KCTD1: variants seen among roughly 807,000 people sequenced by gnomAD.
The protein encoded by KCTD1 is BTB/POZ domain-containing protein KCTD1.
In KCTD1, 24 loss-of-function variants were observed where a neutral mutation model predicts 66.0. That is an observed-to-expected ratio of 0.36 (90% CI 0.26 to 0.51). The LOEUF is 0.51. Ranked by LOEUF, KCTD1 falls within the 20% of genes least tolerant of loss-of-function variation. KCTD1 has a pLI of 0.95. For synonymous variants in KCTD1, 511 were observed against 517.2 expected, an observed-to-expected ratio of 0.99 and a Z score of 0.16; for missense variants, 943 against 1,205.2, an observed-to-expected ratio of 0.78 and a Z score of 3.22.
intron 1 of KCTD1, among the ~76,000 whole-genome samples, chr18:26,527,871 T>C (rs1177394086): frequency 2.4e-5 from 2 of 85,090 alleles, no homozygotes; most frequent in Non-Finnish European, 5.2e-5. Context: ...TTGTTTCAAA[T>C]CCAGTAATTT....
At chr18:26,593,336 A>AGGAGGAAGAGGAG (rs1986657251) in intron 1 of KCTD1, among the ~76,000 whole-genome samples, 1 of 115,406 alleles carries the variant, frequency 8.7e-6, no homozygotes, top group Non-Finnish European at 1.8e-5. Flanking sequence ...AGGAGGAGGA[A>AGGAGGAAGAGGAG]GAGGAGGAAG....
intron 1 of KCTD1, among the ~76,000 whole-genome samples, chr18:26,615,797 G>T (rs959461183): frequency 6.6e-6 from 1 of 152,142 alleles, no homozygotes; most frequent in Admixed American, 6.6e-5. Flanking sequence ...GATCACTAGT[G>T]CTTTTTTTTT....
At chr18:26,565,436 T>C (rs1332301958) in intron 1 of KCTD1, among the ~76,000 whole-genome samples, 1 of 152,208 alleles carries the variant, frequency 6.6e-6, no homozygotes, top group Non-Finnish European at 1.5e-5. Flanking sequence ...AATGAAAGCC[T>C]TCCCAGAGTA....
intron 1 of KCTD1, chr18:26,600,354 C>T (rs1389524434): frequency 1.5e-6 from 2 of 1,343,284 alleles, no homozygotes; most frequent in African/African-American, 2.9e-5. Flanking sequence ...AAGGGCCTGA[C>T]ATGGGACCCA....
chr18:26,610,341 G>A (rs113560018), intron 1 of KCTD1, among the ~76,000 whole-genome samples: 2,319 of 152,270 alleles, frequency 0.015, 60 homozygotes, highest in African/African-American at 0.053. Context: ...GGGAGGCCAA[G>A]GCAGGTAGAT....
intron 1 of KCTD1, among the ~76,000 whole-genome samples, chr18:26,606,213 G>A (rs748175773): frequency 5.3e-5 from 8 of 152,198 alleles, no homozygotes; most frequent in Non-Finnish European, 1.2e-4. Flanking sequence ...AGAGAGATTA[G>A]TTTGTAAATG....
At chr18:26,650,384 G>A (rs1375341810) in intron 1 of KCTD1, among the ~76,000 whole-genome samples, 1 of 152,236 alleles carries the variant, frequency 6.6e-6, no homozygotes, top group African/African-American at 2.4e-5. Context: ...TTAAGGAACT[G>A]AGAAAGCAAA....
At chr18:26,520,757 C>T (rs1489892881) in intron 1 of KCTD1, among the ~76,000 whole-genome samples, 5 of 152,236 alleles carry the variant, frequency 3.3e-5, no homozygotes, top group African/African-American at 1.2e-4. Context: ...TTTATGCCTC[C>T]AAACTCCTCC....
At position 26,593,307 on chromosome 18, in the gene KCTD1, AAGGAAGAGGAGG is replaced by A. The variant is rs1568003445; in HGVS notation, c.-16+35828_-16+35839del. ...GGAGGAGGAGGAGCAATATGAGGAG[AAGGAAGAGGAGG>A]AGGAAGAGGAGGAGGAAGAGGAGGA... On this transcript the variant is annotated intron_variant, in intron 1 of 4. Coordinates refer to the KCTD1 transcript ENST00000317932. Among the ~76,000 whole-genome samples the A allele has an allele frequency of 2.3e-4, 21 of 90,164 alleles. 1 individual carries two copies. Among genetic ancestry groups the A allele is most frequent in the African/African-American group, 5.9e-4 (14 of 23,776 alleles). The allele number at this position is 90,164 out of a possible 152,430, so 59.2% of individuals were successfully genotyped here.
At chr18:26,555,077 A>G (rs780176111) in intron 1 of KCTD1, among the ~76,000 whole-genome samples, 2 of 152,234 alleles carry the variant, frequency 1.3e-5, no homozygotes, top group African/African-American at 4.8e-5. Flanking sequence ...ATTATGGTGG[A>G]AAAGGAGATA....
chr18:26,559,736 C>G (rs1321950394), intron 1 of KCTD1, among the ~76,000 whole-genome samples: 2 of 152,202 alleles, frequency 1.3e-5, no homozygotes, highest in African/African-American at 2.4e-5. Context: ...GCAGAGTAGA[C>G]TCAACCCTAA....
intron 2 of KCTD1, among the ~76,000 whole-genome samples, chr18:26,500,808 A>G (rs1282532959): frequency 1.3e-5 from 2 of 152,210 alleles, no homozygotes; most frequent in Non-Finnish European, 2.9e-5. Context: ...AGAATTATGA[A>G]TATCATTGTA....
intron 3 of KCTD1, among the ~76,000 whole-genome samples, chr18:26,464,521 C>T (rs1422863015): frequency 1.3e-5 from 2 of 152,234 alleles, no homozygotes; most frequent in Non-Finnish European, 2.9e-5. Flanking sequence ...GCTTCCCCCT[C>T]ACAGTCAACG....
intron 1 of KCTD1, among the ~76,000 whole-genome samples, chr18:26,656,924 G>GC (rs1463536683): frequency 6.7e-6 from 1 of 150,024 alleles, no homozygotes; most frequent in East Asian, 2.0e-4. Flanking sequence ...GCGGGGGAGA[G>GC]CCGCGGCGGA....
At chr18:26,524,495 T>C (rs1372405223) in intron 1 of KCTD1, among the ~76,000 whole-genome samples, 1 of 152,246 alleles carries the variant, frequency 6.6e-6, no homozygotes, top group Non-Finnish European at 1.5e-5. Context: ...ATTATTTACA[T>C]GAGCCCCCAA....
At chr18:26,628,574 A>T (rs1230940530) in intron 1 of KCTD1, among the ~76,000 whole-genome samples, 1 of 143,434 alleles carries the variant, frequency 7.0e-6, no homozygotes, top group Non-Finnish European at 1.5e-5. Context: ...ATAAAATAGT[A>T]AAAAAAAAAA....
intron 1 of KCTD1, among the ~76,000 whole-genome samples, chr18:26,607,031 T>C (rs1170012230): frequency 6.6e-6 from 1 of 152,200 alleles, no homozygotes; most frequent in African/African-American, 2.4e-5. Flanking sequence ...CTAGCTGCTT[T>C]CTTTCTTTTT....
chr18:26,548,837 A>C, upstream of KCTD1: 6 of 1,035,044 alleles, frequency 5.8e-6, no homozygotes, highest in Non-Finnish European at 6.9e-6. Context: ...TGAAGGAAAA[A>C]AAAAAGGAAA....
intron 1 of KCTD1, among the ~76,000 whole-genome samples, chr18:26,627,549 G>A (rs1330416758): frequency 6.6e-6 from 1 of 152,096 alleles, no homozygotes; most frequent in African/African-American, 2.4e-5. Context: ...ATTGGTCATG[G>A]TTCCAGAAAA....
Sources: allele counts gnomAD v4.1 joint callset (sites outside exome capture counted in the v4.1 genomes callset), GRCh38; gene constraint gnomAD v4.1.1; transcripts MANE v1.5; gene names NCBI Gene and HGNC (gene_info 2026-07-23, HGNC 2026-07-21).